Variants in NEDD4L observed in about 807,000 individuals in gnomAD.
NEDD4L encodes the protein E3 ubiquitin-protein ligase NEDD4-like.
A neutral mutation model predicts 148.9 loss-of-function variants in NEDD4L; 54 were observed. The observed-to-expected ratio is 0.36, with a 90% CI of 0.29 to 0.45. The LOEUF is 0.45. Ranked by LOEUF, NEDD4L falls within the 20% of genes least tolerant of loss-of-function variation. The pLI, the probability that NEDD4L is intolerant of heterozygous loss-of-function variation, is 1.00. For missense variants in NEDD4L, 856 were observed against 1,233.8 expected (o/e 0.69, Z 4.59); for synonymous variants, 433 against 440.7 (o/e 0.98, Z 0.22).
intron 2 of NEDD4L, among the ~76,000 whole-genome samples, chr18:58,231,923 G>A (rs1171807371): frequency 6.6e-6 from 1 of 152,168 alleles, no homozygotes; most frequent in East Asian, 1.9e-4. Context: ...GAAGCATAGG[G>A]CAAAAGTAAA....
intron 1 of NEDD4L, among the ~76,000 whole-genome samples, chr18:58,151,077 G>A (rs1388476106): frequency 6.6e-6 from 1 of 152,194 alleles, no homozygotes. Flanking sequence ...GTTAGGTTTT[G>A]GTGATTAACA....
At chr18:58,161,573 T>A (rs2036223773) in intron 1 of NEDD4L, among the ~76,000 whole-genome samples, 1 of 152,146 alleles carries the variant, frequency 6.6e-6, no homozygotes, top group African/African-American at 2.4e-5. Context: ...CCTTTCCAGG[T>A]CTTTTTCTAT....
intron 5 of NEDD4L, among the ~76,000 whole-genome samples, chr18:58,305,978 C>G (rs908072310): frequency 1.3e-5 from 2 of 152,128 alleles, no homozygotes; most frequent in African/African-American, 4.8e-5. Context: ...ATTTTGTCCT[C>G]CAGTGGCTTT....
At chr18:58,332,619 G>A (rs1431883309) in intron 11 of NEDD4L, among the ~76,000 whole-genome samples, 1 of 152,206 alleles carries the variant, frequency 6.6e-6, no homozygotes, top group Non-Finnish European at 1.5e-5. Flanking sequence ...CTGCACTCCA[G>A]CCTGAGCAAC....
intron 5 of NEDD4L, among the ~76,000 whole-genome samples, chr18:58,310,245 T>C (rs1039081285): frequency 6.6e-6 from 1 of 152,154 alleles, no homozygotes; most frequent in Non-Finnish European, 1.5e-5. Context: ...GGAGGTCCTG[T>C]TTGTTGTTAT....
intron 1 of NEDD4L, among the ~76,000 whole-genome samples, chr18:58,055,482 C>T (rs1243542932): frequency 6.6e-6 from 1 of 152,134 alleles, no homozygotes; most frequent in African/African-American, 2.4e-5. Context: ...TTAAAAATCC[C>T]TGAAAGGCAT....
intron 8 of NEDD4L, 82 bp downstream of exon 8, chr18:58,323,416 T>TA (rs33986394): frequency 0.1 from 79,880 of 790,018 alleles, 4,566 homozygotes; most frequent in Middle Eastern, 0.19. Flanking sequence ...TTGAAGGAAA[T>TA]AAAAGTTTAG....
At chr18:58,361,575 C>G (rs1461027789) in intron 19 of NEDD4L, among the ~76,000 whole-genome samples, 1 of 152,302 alleles carries the variant, frequency 6.6e-6, no homozygotes, top group East Asian at 1.9e-4. Flanking sequence ...TTGCAAGGGT[C>G]AGAATCAGGA....
chr18:58,050,882 C>T (rs2081838086), intron 1 of NEDD4L, among the ~76,000 whole-genome samples: 1 of 152,238 alleles, frequency 6.6e-6, no homozygotes, highest in Admixed American at 6.5e-5. Context: ...AAAACCATTG[C>T]ATGGTACTCA....
At position 58,366,371 on chromosome 18, in the gene NEDD4L, C is replaced by T; in HGVS notation, c.2063+143C>T. ...TCTCTCCTCACCCCACAGCCCCTTG[C>T]AAGTCTAGAACAGGTTCTGACTCTA... On this transcript the variant is annotated intron_variant, in intron 21 of 30. Transcript: ENST00000400345. The surrounding 1 kb of genome is among the most constrained non-coding windows in gnomAD (Gnocchi z 4.2). The T allele has an allele frequency of 1.8e-6, 1 of 568,814 alleles. No homozygotes were observed. The highest frequency in any genetic ancestry group is 2.8e-5 in the East Asian group (1 of 35,524). 35.2% of individuals were successfully genotyped at this position (568,814 alleles called of 1,614,324 possible).
intron 5 of NEDD4L, among the ~76,000 whole-genome samples, chr18:58,274,047 TC>T (rs2148856309): frequency 6.6e-6 from 1 of 152,288 alleles, no homozygotes; most frequent in South Asian, 2.1e-4. Flanking sequence ...AGCTTCCACT[TC>T]CTGCCTTTTG....
Position 58,251,852 on chromosome 18 carries a change from C to A in NEDD4L, c.244-149C>A, listed in dbSNP as rs150538497. Reference sequence around the variant, plus strand: ...GTAATAGGAAATTTGATTTAGTACACATAGAATTCCCAGAACAGCAGGATA... The same window carrying A: ...GTAATAGGAAATTTGATTTAGTACAAATAGAATTCCCAGAACAGCAGGATA... On this transcript the variant is annotated intron_variant, in intron 4 of 30. Transcript: ENST00000400345. 1.7e-3 allele frequency: 989 copies of A among 596,432 alleles called. 5 individuals are homozygous for A. Among genetic ancestry groups the A allele is most frequent in the African/African-American group, 0.016 (858 of 53,178 alleles). 36.9% of individuals were successfully genotyped at this position (596,432 alleles called of 1,614,324 possible). A position where few individuals can be genotyped will look rare whatever the true frequency, so the allele number is the denominator to read the frequency against.
At position 58,256,239 on chromosome 18, in the gene NEDD4L, A is replaced by T. The variant is rs2048539612; in HGVS notation, c.297+4185A>T. On this transcript the variant is annotated intron_variant, in intron 5 of 30. Coordinates refer to ENST00000400345, the MANE Select transcript of NEDD4L (RefSeq NM_001144967.3). This position sits in a 1 kb window ranked among gnomAD's most constrained non-coding sequence, Gnocchi z 5.2. ...ATCCAGCACCGCGCCTCCAGCGCCG[A>T]CGTGCGCCAGGTGAGGCTGCTGCCC... 1 of 1,229,186 alleles carries T rather than the reference A, an allele frequency of 8.1e-7. No homozygotes were observed. The highest frequency in any genetic ancestry group is 1.6e-5 in the African/African-American group (1 of 64,260). 76.1% of individuals were successfully genotyped at this position (1,229,186 alleles called of 1,614,324 possible). A position where few individuals can be genotyped will look rare whatever the true frequency, so the allele number is the denominator to read the frequency against.
At chr18:58,115,245 C>CTTTTTTTTTTTTTTTTTTTTTTCTTTTT (rs60541981) in intron 1 of NEDD4L, among the ~76,000 whole-genome samples, 1 of 129,538 alleles carries the variant, frequency 7.7e-6, no homozygotes, top group Admixed American at 8.1e-5. Flanking sequence ...TTCTTTCTTT[C>CTTTTTTTTTTTTTTTTTTTTTTCTTTTT]TTTTTTTTTT....
chr18:58,157,707 A>G (rs1422763867), intron 1 of NEDD4L, among the ~76,000 whole-genome samples: 5 of 152,210 alleles, frequency 3.3e-5, no homozygotes, highest in Admixed American at 6.5e-5. Flanking sequence ...TGAACAAGTC[A>G]CCAAGCTCTG....
intron 8 of NEDD4L, among the ~76,000 whole-genome samples, chr18:58,323,535 A>G (rs2059033014): frequency 6.6e-6 from 1 of 152,204 alleles, no homozygotes; most frequent in Non-Finnish European, 1.5e-5. Context: ...TTACAACACC[A>G]ATCCTCGGAG....
Position 58,329,456 on chromosome 18 carries a change from G to A in NEDD4L, c.813+329G>A, listed in dbSNP as rs771436016. 1.6e-4 allele frequency among the ~76,000 whole-genome samples: 25 copies of A among 151,898 alleles called. No homozygotes were observed. In the South Asian group the frequency reaches 3.1e-3, roughly 19 times the overall value. ...ACTGCAACCTCCGCCTCCTGGGTTC[G>A]AGCAATTCTCCTGCCTCAGCCTCCT... On this transcript the variant is annotated intron_variant, in intron 10 of 30. Coordinates refer to ENST00000400345, the MANE Select transcript of NEDD4L (RefSeq NM_001144967.3).
chr18:58,181,832 C>T (rs909905901), intron 2 of NEDD4L, among the ~76,000 whole-genome samples: 3 of 152,160 alleles, frequency 2.0e-5, no homozygotes, highest in Non-Finnish European at 2.9e-5. Context: ...TTTCCCCTTT[C>T]ATAGGGTTCT....
At chr18:58,289,599 G>A (rs75635656) in intron 5 of NEDD4L, among the ~76,000 whole-genome samples, 2 of 152,248 alleles carry the variant, frequency 1.3e-5, no homozygotes, top group East Asian at 3.9e-4. Context: ...ACATGCTCAG[G>A]GGCCCGTTCC....
Sources: allele counts gnomAD v4.1 joint callset (sites outside exome capture counted in the v4.1 genomes callset), GRCh38; gene constraint gnomAD v4.1.1; non-coding constraint Gnocchi (gnomAD v3.1); transcripts MANE v1.5; gene names NCBI Gene and HGNC (gene_info 2026-07-23, HGNC 2026-07-21).